Variants in FBXL13 observed in about 807,000 individuals in gnomAD.
The protein encoded by FBXL13 is F-box and leucine rich repeat protein 13.
Under a neutral mutation model 83.6 loss-of-function variants are expected in FBXL13, and 67 were observed. That is an observed-to-expected ratio of 0.80 (90% confidence interval 0.66 to 0.98). FBXL13 has a LOEUF of 0.98. Among genes scored for constraint, FBXL13 ranks in the 50% least tolerant of loss-of-function variants. The probability of loss-of-function intolerance (pLI) is 0.00; values close to 1 mark genes in which losing one functional copy is unlikely to be tolerated. For missense variants in FBXL13, 822 were observed against 866.5 expected (o/e 0.95, Z 0.64); for synonymous variants, 272 against 299.5 (o/e 0.91, Z 0.95).
intron 18 of FBXL13, among the ~76,000 whole-genome samples, chr7:102,826,008 T>A (rs1028555571): frequency 2.6e-4 from 40 of 152,358 alleles, no homozygotes; most frequent in Middle Eastern, 3.4e-3. Flanking sequence ...ATGGTAGCTA[T>A]AATTATGATT....
chr7:102,992,725 C>T (rs1234086407), intron 6 of FBXL13, among the ~76,000 whole-genome samples: 1 of 152,204 alleles, frequency 6.6e-6, no homozygotes, highest in Admixed American at 6.5e-5. Flanking sequence ...CCCACCTCAG[C>T]CCATCGAGTA....
downstream of FBXL13, among the ~76,000 whole-genome samples, chr7:102,812,139 CG>C (rs1797469461): frequency 6.6e-6 from 1 of 152,122 alleles, no homozygotes; most frequent in Non-Finnish European, 1.5e-5. Flanking sequence ...GGCTTGTTTG[CG>C]GCAGTCAGAA....
At chr7:103,063,086 G>A (rs183185841) in intron 1 of FBXL13, among the ~76,000 whole-genome samples, 3 of 152,302 alleles carry the variant, frequency 2.0e-5, no homozygotes, top group Admixed American at 2.0e-4. Context: ...TTGGACATGT[G>A]AATCTCCAAG....
chr7:102,948,216 A>G (rs924367231), intron 8 of FBXL13, among the ~76,000 whole-genome samples: 4 of 151,892 alleles, frequency 2.6e-5, no homozygotes, highest in Non-Finnish European at 5.9e-5. Context: ...GGCGCCCGCC[A>G]CCATGCCTGG....
intron 1 of FBXL13, among the ~76,000 whole-genome samples, chr7:103,073,787 T>C (rs942726925): frequency 6.6e-6 from 1 of 152,070 alleles, no homozygotes; most frequent in Non-Finnish European, 1.5e-5. Context: ...CTCTACCAAA[T>C]TGCCCTCCCA....
Position 102,881,531 on chromosome 7 carries a change from T to C in FBXL13, c.1388+1774A>G, listed in dbSNP as rs373831202. Among the ~76,000 whole-genome samples, 3 of 148,084 alleles carry C rather than the reference T, an allele frequency of 2.0e-5. No homozygotes were observed. In the East Asian group the frequency reaches 6.1e-4, roughly 30 times the overall value. On this transcript the variant is annotated intron_variant, in intron 14 of 19. Coordinates refer to ENST00000313221, the Ensembl canonical transcript of FBXL13. ...GTTTTATTTCACATATTCATACAGA[T>C]AGAATTAGTTGATACACACTTGTGT...
intron 8 of FBXL13, among the ~76,000 whole-genome samples, chr7:102,961,605 A>C (rs1203893817): frequency 4.6e-4 from 70 of 151,432 alleles, no homozygotes; most frequent in African/African-American, 1.5e-3. Context: ...GCTACAGTAA[A>C]CAAAACAGCA....
intron 18 of FBXL13, among the ~76,000 whole-genome samples, chr7:102,828,975 G>A (rs1800192691): frequency 1.3e-5 from 2 of 152,172 alleles, no homozygotes; most frequent in Non-Finnish European, 2.9e-5. Context: ...TATAGAATGT[G>A]CTGGGGATGT....
In FBXL13 at chr7:102,867,288, G is replaced by T. The variant is rs564214953; in HGVS notation, c.1635+10179C>A. Among the ~76,000 whole-genome samples, 8 of 152,210 alleles carry T rather than the reference G, an allele frequency of 5.3e-5. No individual in the cohort carries two copies. The South Asian group carries it at 1.7e-3, about 32-fold the overall frequency. On this transcript the variant is annotated intron_variant, in intron 16 of 19. Transcript: ENST00000313221. ...CAGGAGGATCACTTGAGCCCAGAAA[G>T]TTGAGGCTGCAGTGAGCTATGATGA...
At chr7:102,881,460 A>G (rs1313403539) in intron 14 of FBXL13, among the ~76,000 whole-genome samples, 2 of 150,588 alleles carry the variant, frequency 1.3e-5, no homozygotes, top group Non-Finnish European at 3.0e-5. Context: ...AAAAAAAAGA[A>G]TAATTAACCC....
At chr7:102,844,357 A>G (rs1803557248) in intron 17 of FBXL13, among the ~76,000 whole-genome samples, 1 of 152,184 alleles carries the variant, frequency 6.6e-6, no homozygotes, top group Non-Finnish European at 1.5e-5. Context: ...ACTGCACAGG[A>G]CCCATACATT....
At chr7:103,072,182 CAA>C (rs879371785) in intron 1 of FBXL13, among the ~76,000 whole-genome samples, 2 of 114,314 alleles carry the variant, frequency 1.7e-5, no homozygotes, top group Non-Finnish European at 1.9e-5. Context: ...GACTCTGTCT[CAA>C]AAAAAAAAAA....
At chr7:102,845,540 A>G (rs1483932953) in intron 17 of FBXL13, among the ~76,000 whole-genome samples, 1 of 152,198 alleles carries the variant, frequency 6.6e-6, no homozygotes, top group African/African-American at 2.4e-5. Flanking sequence ...GACACCACCA[A>G]CATTCCTGGC....
chr7:103,009,583 A>G (rs1791370815), intron 6 of FBXL13, among the ~76,000 whole-genome samples: 1 of 151,988 alleles, frequency 6.6e-6, no homozygotes, highest in Non-Finnish European at 1.5e-5. Flanking sequence ...TTGAGGGGCA[A>G]CTCCTGAGTG....
chr7:102,983,514 G>A (rs1419661097), intron 6 of FBXL13, among the ~76,000 whole-genome samples: 2 of 149,390 alleles, frequency 1.3e-5, no homozygotes, highest in Non-Finnish European at 3.0e-5. Context: ...CCACTTCCCA[G>A]GTTCAAGCAA....
chr7:102,927,715 T>C (rs1218543935), intron 9 of FBXL13, among the ~76,000 whole-genome samples: 2 of 152,148 alleles, frequency 1.3e-5, no homozygotes, highest in Non-Finnish European at 2.9e-5. Flanking sequence ...TAAACACTAC[T>C]CTTAACTACA....
intron 10 of FBXL13, among the ~76,000 whole-genome samples, chr7:102,915,066 C>T (rs1434588592): frequency 2.0e-5 from 3 of 151,972 alleles, no homozygotes; most frequent in Non-Finnish European, 4.4e-5. Context: ...ACACTTACTG[C>T]AACCTCCCTA....
chr7:103,026,297 C>T (rs1793908565), intron 5 of FBXL13, among the ~76,000 whole-genome samples: 1 of 151,630 alleles, frequency 6.6e-6, no homozygotes. Flanking sequence ...CACCACCATG[C>T]CTGGCTAATT....
chr7:102,991,438 T>C (rs931823019), intron 6 of FBXL13, among the ~76,000 whole-genome samples: 2 of 152,200 alleles, frequency 1.3e-5, no homozygotes, highest in African/African-American at 2.4e-5. Flanking sequence ...TGGGAGGTAG[T>C]GTCAAGAAGT....
Sources: allele counts gnomAD v4.1 joint callset (sites outside exome capture counted in the v4.1 genomes callset), GRCh38; gene constraint gnomAD v4.1.1; transcripts MANE v1.5; gene names NCBI Gene and HGNC (gene_info 2026-07-23, HGNC 2026-07-21).